COBL: variants seen among roughly 807,000 people sequenced by gnomAD.
COBL encodes protein cordon-bleu.
In COBL, 51 loss-of-function variants were observed where a neutral mutation model predicts 98.8. The observed-to-expected ratio is 0.52, with a 90% CI of 0.41 to 0.65. The LOEUF is 0.65. COBL is among the 30% of genes least tolerant of loss of function. COBL has a pLI of 0.00. For synonymous variants in COBL, 634 were observed against 651.7 expected (o/e 0.97, Z 0.41); for missense variants, 1,617 against 1,617.5 (o/e 1.00, Z 0.01).
At chr7:51,140,265 C>T (rs1450784686) in intron 5 of COBL, among the ~76,000 whole-genome samples, 1 of 152,036 alleles carries the variant, frequency 6.6e-6, no homozygotes, top group Non-Finnish European at 1.5e-5. Context: ...AATGGATAGT[C>T]GAATTCAATG....
chr7:51,267,562 C>G (rs898265983), intron 1 of COBL, among the ~76,000 whole-genome samples: 8 of 151,878 alleles, frequency 5.3e-5, no homozygotes, highest in Admixed American at 6.6e-5. Flanking sequence ...AAATTACACA[C>G]AAAAAAAGAA....
At chr7:51,282,278 AAAC>A (rs1198880470) in intron 1 of COBL, among the ~76,000 whole-genome samples, 4 of 152,090 alleles carry the variant, frequency 2.6e-5, no homozygotes, top group African/African-American at 9.7e-5. Context: ...TAAATGGTCT[AAAC>A]AATCCAACTA....
intron 2 of COBL, among the ~76,000 whole-genome samples, chr7:51,200,447 C>T (rs945260051): frequency 6.6e-6 from 1 of 152,088 alleles, no homozygotes; most frequent in Admixed American, 6.5e-5. Context: ...AATGGAAATA[C>T]AACACAGAAA....
At position 51,140,744 on chromosome 7, in the gene COBL, G is replaced by C. The variant is rs10231899; in HGVS notation, c.784-4413C>G. ...ACAGCACAAGTGCCCCATAGAACCT[G>C]ATAGGGCACTGAGAGTGCAGGGTGT... On this transcript the variant is annotated intron_variant, in intron 5 of 12. Transcript: ENST00000265136. 9.8e-3 allele frequency among the ~76,000 whole-genome samples: 1,491 copies of C among 152,300 alleles called. 18 individuals carry two copies. Among genetic ancestry groups the C allele is most frequent in the South Asian group, 0.037 (179 of 4,832 alleles).
At chr7:51,054,761 C>T (rs140914472) in intron 7 of COBL, among the ~76,000 whole-genome samples, 1,588 of 152,296 alleles carry the variant, frequency 0.01, 12 homozygotes, top group Middle Eastern at 0.024. Context: ...AGCTTGGCTA[C>T]GCATTTACAA....
chr7:51,239,645 T>TC (rs1795587840), intron 1 of COBL, among the ~76,000 whole-genome samples: 1 of 152,216 alleles, frequency 6.6e-6, no homozygotes, highest in Admixed American at 6.5e-5. Flanking sequence ...TCCAATTCTT[T>TC]CTTGCATGAG....
chr7:51,137,532 G>C (rs1170992421), intron 5 of COBL, among the ~76,000 whole-genome samples: 1 of 151,762 alleles, frequency 6.6e-6, no homozygotes, highest in African/African-American at 2.4e-5. Flanking sequence ...CTGAGTTTGA[G>C]GCTGTAGTGA....
intron 1 of COBL, among the ~76,000 whole-genome samples, chr7:51,284,129 C>CA (rs71021763): frequency 0.015 from 1,021 of 66,208 alleles, 5 homozygotes; most frequent in African/African-American, 0.03. Context: ...ACCAAAAATA[C>CA]AAAAAAAAAA....
intron 6 of COBL, among the ~76,000 whole-genome samples, chr7:51,087,052 A>G (rs1005999990): frequency 6.6e-6 from 1 of 151,406 alleles, no homozygotes; most frequent in Non-Finnish European, 1.5e-5. Flanking sequence ...TGATTTTTCC[A>G]TGTTAGGTAT....
At chr7:51,049,848 C>T (rs189557351) in intron 7 of COBL, among the ~76,000 whole-genome samples, 58 of 152,290 alleles carry the variant, frequency 3.8e-4, no homozygotes, top group Middle Eastern at 6.8e-3. Context: ...GTTTAGGATT[C>T]GCCTTTGAGA....
At chr7:51,093,381 C>T (rs768354641) in intron 6 of COBL, among the ~76,000 whole-genome samples, 1 of 152,080 alleles carries the variant, frequency 6.6e-6, no homozygotes, top group Non-Finnish European at 1.5e-5. Context: ...ATGAATGAAC[C>T]CTTGTGTATT....
chr7:51,215,697 G>A (rs890058947), intron 2 of COBL, among the ~76,000 whole-genome samples: 8 of 152,234 alleles, frequency 5.3e-5, no homozygotes, highest in Non-Finnish European at 1.2e-4. Context: ...CTGTCCTCTC[G>A]AAAGTTACTT....
chr7:51,170,506 G>GATATATATATATATATATATATATAT (rs3047166), intron 5 of COBL, among the ~76,000 whole-genome samples: 1 of 132,074 alleles, frequency 7.6e-6, no homozygotes, highest in African/African-American at 3.0e-5. Flanking sequence ...CTGACACTGT[G>GATATATATATATATATATATATATAT]ATATATATAT....
chr7:51,123,498 A>G (rs1797927017), intron 6 of COBL, among the ~76,000 whole-genome samples: 1 of 152,208 alleles, frequency 6.6e-6, no homozygotes, highest in South Asian at 2.1e-4. Context: ...ATTTTCTGCC[A>G]GGATGTTTCA....
rs775900899 is a variant in COBL, at chr7:51,219,924, G to A, written c.62C>T (p.Ala21Val). 1 of 1,610,656 alleles carries A rather than the reference G, an allele frequency of 6.2e-7. No individual in the cohort carries two copies. The highest frequency in any genetic ancestry group is 8.5e-7 in the Non-Finnish European group (1 of 1,179,564). Residue 21 changes from alanine (A) to valine (V), a missense_variant, in exon 2 of 13, where the codon GCT becomes GTT. By Grantham distance (64) the Ala-to-Val change is moderately conservative. Transcript: ENST00000265136. Reference protein sequence around the residue: ...PPTGRKMKARAPPPPGKAATL... With the variant: ...PPTGRKMKARVPPPPGKAATL... ...GGCAGCCTTTCCAGGAGGTGGGGGA[G>A]CACGAGCCTTCATCTTCCTCCTTAA... is the stretch of plus-strand genomic sequence containing the variant.
In COBL at chr7:51,028,369, A is replaced by G. The variant is rs747170965; in HGVS notation, c.2727T>C (p.Thr909=). ...GGCTGGATGTCCTGTCATCTTTCAC[A>G]GTGACAGGTGGTGCAGCCAGCACTG... ...KAPVLAAPPV[T]VKDDRTSSPH... The change falls in exon 10 of 13, where the codon ACT becomes ACC. Residue 909 remains threonine (T), a synonymous_variant. Transcript: ENST00000265136. 3 of 1,614,240 alleles carry G rather than the reference A, an allele frequency of 1.9e-6. No individual in the cohort carries two copies. The highest frequency in any genetic ancestry group is 1.7e-6 in the Non-Finnish European group (2 of 1,180,038).
intron 6 of COBL, among the ~76,000 whole-genome samples, chr7:51,100,836 G>T (rs1562911704): frequency 1.3e-5 from 2 of 152,078 alleles, no homozygotes; most frequent in Non-Finnish European, 2.9e-5. Flanking sequence ...CCGGGCAGCA[G>T]AGTTTGCAGT....
chr7:51,223,974 T>C (rs1004156617), intron 1 of COBL, among the ~76,000 whole-genome samples: 1 of 152,354 alleles, frequency 6.6e-6, no homozygotes, highest in Admixed American at 6.5e-5. Flanking sequence ...ACCACATATA[T>C]AAAGGTAGTC....
At chr7:51,239,567 G>C (rs974331818) in intron 1 of COBL, among the ~76,000 whole-genome samples, 1 of 152,308 alleles carries the variant, frequency 6.6e-6, no homozygotes, top group Non-Finnish European at 1.5e-5. Flanking sequence ...TCTGCCTATG[G>C]AGTAGCCATT....
Sources: allele counts gnomAD v4.1 joint callset (sites outside exome capture counted in the v4.1 genomes callset), GRCh38; gene constraint gnomAD v4.1.1; transcripts MANE v1.5; gene names NCBI Gene and HGNC (gene_info 2026-07-23, HGNC 2026-07-21).